PAK2: variants seen among roughly 807,000 people sequenced by gnomAD.
PAK2 encodes serine/threonine-protein kinase PAK 2.
In PAK2, 21 loss-of-function variants were observed where a neutral mutation model predicts 65.9. The ratio of observed to expected loss-of-function variants is 0.32; its 90% CI spans 0.23 to 0.46. The LOEUF (loss-of-function observed/expected upper bound fraction) is 0.46. Ranked by LOEUF, PAK2 falls within the 20% of genes least tolerant of loss-of-function variation. PAK2 has a pLI of 1.00. For synonymous variants in PAK2, 204 were observed against 219.7 expected (o/e 0.93, Z 0.63); for missense variants, 324 against 642.6 (o/e 0.50, Z 5.36).
At chr3:196,763,217 T>G (rs1371034789) in intron 1 of PAK2, among the ~76,000 whole-genome samples, 1 of 152,142 alleles carries the variant, frequency 6.6e-6, no homozygotes, top group East Asian at 1.9e-4. Flanking sequence ...ACATCTGCCC[T>G]TTAGGGTGCC....
chr3:196,769,741 T>C (rs954732687), intron 1 of PAK2, among the ~76,000 whole-genome samples: 7 of 151,698 alleles, frequency 4.6e-5, no homozygotes, highest in African/African-American at 1.7e-4. Context: ...TGCTTGAACC[T>C]GGGAGGCAGG....
intron 2 of PAK2, among the ~76,000 whole-genome samples, chr3:196,796,494 T>C (rs180752311): frequency 1.3e-5 from 2 of 152,188 alleles, no homozygotes; most frequent in Non-Finnish European, 2.9e-5. Flanking sequence ...GATAAAAATG[T>C]TCTAAAGTTA....
At chr3:196,742,442 A>G (rs1402704966) in intron 1 of PAK2, among the ~76,000 whole-genome samples, 1 of 152,218 alleles carries the variant, frequency 6.6e-6, no homozygotes, top group Non-Finnish European at 1.5e-5. Flanking sequence ...TCAGGTAGCT[A>G]AAGATAAACT....
At chr3:196,784,775 A>G (rs1714830419) in intron 2 of PAK2, among the ~76,000 whole-genome samples, 1 of 151,264 alleles carries the variant, frequency 6.6e-6, no homozygotes, top group Admixed American at 6.6e-5. Flanking sequence ...TGGTATTGCT[A>G]GTTCTAGATC....
intron 1 of PAK2, among the ~76,000 whole-genome samples, chr3:196,752,800 C>T (rs890457510): frequency 2.6e-5 from 4 of 151,040 alleles, no homozygotes; most frequent in African/African-American, 4.9e-5. Context: ...AGGGTTTTGT[C>T]GTGTTGGTCT....
intron 1 of PAK2, among the ~76,000 whole-genome samples, chr3:196,767,483 TTTTG>T (rs57659732): frequency 0.03 from 4,530 of 152,000 alleles, 87 homozygotes; most frequent in Middle Eastern, 0.068. Flanking sequence ...AATACATGTT[TTTTG>T]TTTGTTTGTT....
At chr3:196,765,342 G>T (rs1000302711) in intron 1 of PAK2, among the ~76,000 whole-genome samples, 6 of 151,992 alleles carry the variant, frequency 3.9e-5, no homozygotes, top group African/African-American at 1.5e-4. Context: ...TAGAGACGGG[G>T]TTTTGCCATG....
intron 1 of PAK2, among the ~76,000 whole-genome samples, chr3:196,753,064 C>T (rs950885973): frequency 4.7e-5 from 7 of 150,324 alleles, no homozygotes; most frequent in Non-Finnish European, 5.9e-5. Flanking sequence ...CTGCAACTTC[C>T]GCCTCCCGAG....
intron 1 of PAK2, among the ~76,000 whole-genome samples, chr3:196,754,749 G>A (rs757372522): frequency 1.9e-4 from 29 of 152,158 alleles, no homozygotes; most frequent in Non-Finnish European, 2.8e-4. Context: ...GCACACGGGC[G>A]CAGACACACA....
At chr3:196,742,181 T>C (rs1377095009) in intron 1 of PAK2, among the ~76,000 whole-genome samples, 1 of 148,474 alleles carries the variant, frequency 6.7e-6, no homozygotes, top group Admixed American at 6.9e-5. Context: ...CTCCGCCTCC[T>C]GGGTTCAAGC....
chr3:196,757,844 C>G (rs777728977), intron 1 of PAK2, among the ~76,000 whole-genome samples: 1 of 152,104 alleles, frequency 6.6e-6, no homozygotes. Flanking sequence ...TTTAGACTCA[C>G]GACCTGGGGT....
intron 13 of PAK2, among the ~76,000 whole-genome samples, chr3:196,821,170 G>A (rs760825620): frequency 6.6e-6 from 1 of 151,858 alleles, no homozygotes; most frequent in Non-Finnish European, 1.5e-5. Flanking sequence ...TACCATATGT[G>A]GCTCAACATT....
At position 196,792,196 on chromosome 3, in the gene PAK2, G is replaced by A. The variant is rs1715095417; in HGVS notation, c.187+9363G>A. Among the ~76,000 whole-genome samples, 4 of 152,104 alleles carry A rather than the reference G, an allele frequency of 2.6e-5. No individual in the cohort carries two copies. The South Asian group carries it at 8.3e-4, about 31-fold the overall frequency. ...AAGGTGAGGGAAGTTTCCAAAAGTA[G>A]GATGCTGAGCAGATTTTTTTAAAAG... On this transcript the variant is annotated intron_variant, in intron 2 of 14. Transcript: ENST00000327134.
intron 2 of PAK2, among the ~76,000 whole-genome samples, chr3:196,788,578 A>T (rs1178592767): frequency 2.6e-5 from 4 of 152,176 alleles, no homozygotes; most frequent in Non-Finnish European, 4.4e-5. Context: ...GATAAAGCAG[A>T]TAGTGTCCCT....
At chr3:196,792,578 A>G (rs1715107582) in intron 2 of PAK2, among the ~76,000 whole-genome samples, 1 of 152,340 alleles carries the variant, frequency 6.6e-6, no homozygotes, top group Non-Finnish European at 1.5e-5. Context: ...TACTAGTTAA[A>G]TAAGTATTAT....
chr3:196,785,740 A>G (rs1024527138), intron 2 of PAK2, among the ~76,000 whole-genome samples: 59 of 152,196 alleles, frequency 3.9e-4, no homozygotes, highest in Non-Finnish European at 8.1e-4. Context: ...ATGGCTGGGG[A>G]GGCCTCACAA....
Position 196,807,768 on chromosome 3 carries a change from CTG to C in PAK2, c.577-10_577-9del, listed in dbSNP as rs1244949419. ...TTATTCCTCAAACCTTGGTAATGAA[CTG>C]TGTCTCCACAGATTTACACACGGTC... On this transcript the variant is annotated splice_polypyrimidine_tract_variant and intron_variant, in intron 6 of 14. Transcript: ENST00000327134. 10 of 1,498,452 alleles carry C rather than the reference CTG, an allele frequency of 6.7e-6. No individual in the cohort carries two copies. The South Asian group carries it at 7.0e-5, about 11-fold the overall frequency. The allele number at this position is 1,498,452 out of a possible 1,614,324, so 92.8% of individuals were successfully genotyped here.
chr3:196,740,587 C>G (rs1341491608), intron 1 of PAK2, among the ~76,000 whole-genome samples: 2 of 152,200 alleles, frequency 1.3e-5, no homozygotes, highest in African/African-American at 4.8e-5. Context: ...CTTGCTCGCT[C>G]TCTGTTCACC....
intron 1 of PAK2, among the ~76,000 whole-genome samples, chr3:196,758,813 G>A (rs745887121): frequency 5.9e-5 from 9 of 151,848 alleles, no homozygotes; most frequent in Non-Finnish European, 1.3e-4. Context: ...TCATGATCAC[G>A]CCTGGCTAAA....
Sources: allele counts gnomAD v4.1 joint callset (sites outside exome capture counted in the v4.1 genomes callset), GRCh38; gene constraint gnomAD v4.1.1; transcripts MANE v1.5; gene names NCBI Gene and HGNC (gene_info 2026-07-23, HGNC 2026-07-21).